Variants in NAXD observed in about 807,000 individuals in gnomAD.
NAXD encodes NAD(P)HX dehydratase.
NAXD carries 22 observed loss-of-function variants against 35.8 expected under a neutral mutation model. That is an observed-to-expected ratio of 0.62 (90% CI 0.44 to 0.88). NAXD has a LOEUF of 0.88. Among genes scored for constraint, NAXD ranks in the 40% least tolerant of loss-of-function variants. NAXD has a pLI of 0.00. For synonymous variants in NAXD, 189 were observed against 177.6 expected (o/e 1.06, Z -0.51); for missense variants, 428 against 437.7 (o/e 0.98, Z 0.20).
In NAXD at chr13:110,628,563, A is replaced by C. The variant is rs1886585581; in HGVS notation, c.441+1016A>C. Among the ~76,000 whole-genome samples the C allele has an allele frequency of 6.6e-6, 1 of 151,966 alleles. No homozygotes were observed. The stretch of plus-strand genomic sequence containing the variant: ...GGGGCTTGAAGGCGGCGAGTGATGG[A>C]GCCAGCAGTGCAGGATGAGTCATCT... On this transcript the variant is annotated intron_variant, in intron 5 of 9. Coordinates refer to ENST00000680254, the MANE Select transcript of NAXD (RefSeq NM_001242882.2). The surrounding 1 kb of genome is among the most constrained non-coding windows in gnomAD (Gnocchi z 4.1).
chr13:110,635,627 GGTCA>G (rs1371390539), intron 8 of NAXD, 39 bp downstream of exon 8: 13 of 1,607,076 alleles, frequency 8.1e-6, no homozygotes, highest in Non-Finnish European at 1.1e-5. Flanking sequence ...GCCAGTGCCA[GGTCA>G]GTCAGCATGG....
intron 5 of NAXD, among the ~76,000 whole-genome samples, chr13:110,632,429 C>T (rs529149771): frequency 6.6e-6 from 1 of 152,194 alleles, no homozygotes. Context: ...CCAATGCTGG[C>T]TCGGGCAGCC....
chr13:110,631,479 G>A (rs1048069628), intron 5 of NAXD, among the ~76,000 whole-genome samples: 3 of 152,120 alleles, frequency 2.0e-5, no homozygotes, highest in Admixed American at 1.3e-4. Context: ...CTTTCCCATG[G>A]GTGGGGACAC....
At chr13:110,621,972 G>A (rs1886282722) in intron 1 of NAXD, among the ~76,000 whole-genome samples, 1 of 151,790 alleles carries the variant, frequency 6.6e-6, no homozygotes, top group Admixed American at 6.6e-5. Context: ...AGAGGTTGCA[G>A]TGAGCTGAGA....
intron 1 of NAXD, among the ~76,000 whole-genome samples, chr13:110,621,278 G>A (rs1886252720): frequency 6.6e-6 from 1 of 152,310 alleles, no homozygotes; most frequent in Non-Finnish European, 1.5e-5. Context: ...TAATCCTAAA[G>A]GGAAATTGAA....
In NAXD at chr13:110,638,578, T is replaced by C. The variant is rs1887035314; in HGVS notation, c.*50T>C. 6.2e-7 allele frequency: 1 copy of C among 1,604,088 alleles called. No homozygotes were observed. The highest frequency in any genetic ancestry group is 1.1e-5 in the South Asian group (1 of 90,928). ...GGCACCTTGGACGGGGGAGAGCGTG[T>C]GTGTGATGGGAAAATCCGGACCCAC... On this transcript the variant is annotated 3_prime_UTR_variant, in exon 10 of 10. Transcript: ENST00000680254. The surrounding 1 kb of genome is among the most constrained non-coding windows in gnomAD (Gnocchi z 5.4).
Position 110,638,463 on chromosome 13 carries a change from T to C in NAXD, c.925T>C (p.Ser309Pro). 2 of 1,613,290 alleles carry C rather than the reference T, an allele frequency of 1.2e-6. No homozygotes were observed. Among genetic ancestry groups the C allele is most frequent in the Non-Finnish European group, 8.5e-7 (1 of 1,180,004 alleles). Reference protein sequence around the residue: ...NHQAFQKHGRSTTTSDMIAEV... With the variant: ...NHQAFQKHGRPTTTSDMIAEV... ...CCAAGCCTTCCAGAAGCACGGTCGC[T>C]CCACCACCACCTCCGACATGATCGC... Residue 309 changes from serine to proline, a missense_variant, in exon 10 of 10, where the codon TCC (serine) becomes CCC (proline). By Grantham distance (74) the Ser-to-Pro change is moderately conservative. This residue lies in a region of NAXD where 209 missense variants were observed against 214.6 expected (regional missense o/e 0.97). Transcript: ENST00000680254. The surrounding 1 kb of genome is among the most constrained non-coding windows in gnomAD (Gnocchi z 5.4).
Position 110,628,494 on chromosome 13 carries a change from C to T in NAXD, c.441+947C>T, listed in dbSNP as rs1303371498. Reference sequence around the variant, plus strand: ...CTGAAAATGCCAGCCATCTGCATGGCACTCTGTTGGGTGCTTAGTTAATGG... The same window carrying T: ...CTGAAAATGCCAGCCATCTGCATGGTACTCTGTTGGGTGCTTAGTTAATGG... On this transcript the variant is annotated intron_variant, in intron 5 of 9. Transcript: ENST00000680254. This position sits in a 1 kb window ranked among gnomAD's most constrained non-coding sequence, Gnocchi z 4.1. Among the ~76,000 whole-genome samples the T allele has an allele frequency of 6.6e-6, 1 of 152,174 alleles. No individual in the cohort carries two copies. Among genetic ancestry groups the T allele is most frequent in the Non-Finnish European group, 1.5e-5 (1 of 68,030 alleles).
At chr13:110,625,052 G>A (rs1479767115) in intron 3 of NAXD, 138 bp from the exon 4 acceptor site, 2 of 640,062 alleles carry the variant, frequency 3.1e-6, no homozygotes, top group East Asian at 5.5e-5. Context: ...TAAGCCACCT[G>A]GCTGGGTGTA....
At chr13:110,616,641 TTC>T (rs1021326311) in intron 1 of NAXD, among the ~76,000 whole-genome samples, 3 of 152,222 alleles carry the variant, frequency 2.0e-5, no homozygotes, top group African/African-American at 4.8e-5. Flanking sequence ...TTTTTTGTCT[TTC>T]TGTTTGCCTT....
chr13:110,627,065 A>G (rs944607991), intron 4 of NAXD, among the ~76,000 whole-genome samples: 4 of 152,172 alleles, frequency 2.6e-5, no homozygotes, highest in Non-Finnish European at 5.9e-5. Context: ...TCTGGGCATT[A>G]AAAGAGAGAT....
rs1886036314 is a variant in NAXD at position 110,615,978 on chromosome 13, G to T, written c.46+331G>T. 3 of 418,292 alleles carry T rather than the reference G, an allele frequency of 7.2e-6. No individual in the cohort carries two copies. The East Asian group carries it at 1.2e-4, about 16-fold the overall frequency. 25.9% of individuals were successfully genotyped at this position (418,292 alleles called of 1,614,324 possible). A position where few individuals can be genotyped will look rare whatever the true frequency, so the allele number is the denominator to read the frequency against. ...GGGTGACAGAGGGGCAGAGGGTGGC[G>T]CCGGGCCGGAGCCAGTGCGCGTCCC... is the stretch of plus-strand genomic sequence containing the variant. On this transcript the variant is annotated intron_variant, in intron 1 of 9. Coordinates refer to ENST00000680254, the MANE Select transcript of NAXD (RefSeq NM_001242882.2).
chr13:110,634,667 T>G lies in NAXD; in HGVS notation c.493-5T>G. On this transcript the variant is annotated splice_region_variant and splice_polypyrimidine_tract_variant and intron_variant, in intron 6 of 9. Transcript: ENST00000680254. Reference sequence around the variant, plus strand: ...GCAGTGAGCACGGCTCCTTGTTCTGTGCAGGATGGCCTGTGGCTGGTCGCT... The same window carrying G: ...GCAGTGAGCACGGCTCCTTGTTCTGGGCAGGATGGCCTGTGGCTGGTCGCT... 1 of 1,614,168 alleles carries G rather than the reference T, an allele frequency of 6.2e-7. No individual in the cohort carries two copies. The highest frequency in any genetic ancestry group is 8.5e-7 in the Non-Finnish European group (1 of 1,179,984).
rs1374171528 is a variant in NAXD, at chr13:110,634,538, C to G, written c.442-7C>G. On this transcript the variant is annotated splice_region_variant and splice_polypyrimidine_tract_variant and intron_variant, in intron 5 of 9. Coordinates refer to ENST00000680254, the MANE Select transcript of NAXD (RefSeq NM_001242882.2). ...ATGGTGCTCAGTCTGGTTTTCTCTT[C>G]TGGCAGGGCATTTTGGAAGTGTCAA... The G allele has an allele frequency of 1.2e-6, 2 of 1,614,042 alleles. No homozygotes were observed. The highest frequency in any genetic ancestry group is 1.1e-5 in the South Asian group (1 of 91,086).
At position 110,623,510 on chromosome 13, in the gene NAXD, G is replaced by A. The variant is rs531603210; in HGVS notation, c.198-724G>A. Among the ~76,000 whole-genome samples the A allele has an allele frequency of 2.4e-4, 37 of 152,288 alleles. 1 individual carries two copies. Among genetic ancestry groups the A allele is most frequent in the African/African-American group, 8.4e-4 (35 of 41,560 alleles). ...CCCCCATCTGGCCTCTGCTGACTGT[G>A]ACTCTTGGAGGACGGGGTCTGCCCA... On this transcript the variant is annotated intron_variant, in intron 2 of 9. Coordinates refer to ENST00000680254, the MANE Select transcript of NAXD (RefSeq NM_001242882.2).
chr13:110,624,137 A>G, intron 2 of NAXD, 97 bp from the exon 3 acceptor site: 1 of 737,176 alleles, frequency 1.4e-6, no homozygotes, highest in South Asian at 1.6e-5. Context: ...CCATGTCTAT[A>G]TTATTTATGT....
rs1232453882 is a variant in NAXD, at chr13:110,634,790, C to A, written c.597+14C>A. 3 of 1,594,150 alleles carry A rather than the reference C, an allele frequency of 1.9e-6. No homozygotes were observed. The highest frequency in any genetic ancestry group is 2.7e-5 in the African/African-American group (2 of 74,520). On this transcript the variant is annotated intron_variant, in intron 7 of 9. Coordinates refer to ENST00000680254, the MANE Select transcript of NAXD (RefSeq NM_001242882.2). ...TATGACGCTGTGGTGAGTCAGTGGACCCCCTGGAGGGTAGATGCAAGCCCT... is the reference window on the plus strand; with the variant it reads ...TATGACGCTGTGGTGAGTCAGTGGAACCCCTGGAGGGTAGATGCAAGCCCT...
In NAXD at chr13:110,638,242, G is replaced by T; in HGVS notation, c.840-136G>T. On this transcript the variant is annotated intron_variant, in intron 9 of 9. Coordinates refer to ENST00000680254, the MANE Select transcript of NAXD (RefSeq NM_001242882.2). The surrounding 1 kb of genome is among the most constrained non-coding windows in gnomAD (Gnocchi z 5.4). Reference sequence around the variant, plus strand: ...TGTGATAAACCTGCTTTCTCCTCAGGGGCATATCAGACTTGAAATTGACAA... The same window carrying T: ...TGTGATAAACCTGCTTTCTCCTCAGTGGCATATCAGACTTGAAATTGACAA... 1.0e-5 allele frequency: 16 copies of T among 1,562,556 alleles called. No individual in the cohort carries two copies. The highest frequency in any genetic ancestry group is 1.4e-5 in the Non-Finnish European group (16 of 1,155,290).
Position 110,638,400 on chromosome 13 carries a change from G to A in NAXD, c.862G>A (p.Ala288Thr), listed in dbSNP as rs372208357. The change falls in exon 10 of 10, where the codon GCG becomes ACG. Residue 288 changes from alanine to threonine, a missense_variant. By Grantham distance (58) the Ala-to-Thr change is moderately conservative. Transcript: ENST00000680254. The surrounding 1 kb of genome is among the most constrained non-coding windows in gnomAD (Gnocchi z 5.4). ...TNGSSPLLVA[A>T]FGACSLTRQC... Reference sequence around the variant, plus strand: ...CAGGTCCAGCCCTCTCCTGGTGGCCGCGTTTGGCGCCTGCTCTCTCACCAG... The same window carrying A: ...CAGGTCCAGCCCTCTCCTGGTGGCCACGTTTGGCGCCTGCTCTCTCACCAG... 3.8e-5 allele frequency: 62 copies of A among 1,613,572 alleles called. No individual in the cohort carries two copies. Among genetic ancestry groups the A allele is most frequent in the Middle Eastern group, 1.6e-4 (1 of 6,084 alleles).
Sources: gnomAD v4.1 joint callset for allele counts (sites outside exome capture counted in the v4.1 genomes callset) on GRCh38, gnomAD v4.1.1 for gene constraint, gnomAD v4.1.1 regional missense constraint, Gnocchi (gnomAD v3.1) non-coding constraint, MANE v1.5 for transcripts, NCBI Gene and HGNC (gene_info 2026-07-23, HGNC 2026-07-21) for gene names.